The following MON1A variants were observed in gnomAD, a reference collection of about 807,000 sequenced individuals.
MON1A encodes the protein vacuolar fusion protein MON1 homolog A.
MON1A carries 29 observed loss-of-function variants against 44.6 expected under a neutral mutation model. That is an observed-to-expected ratio of 0.65 (90% CI 0.48 to 0.89). MON1A has a LOEUF of 0.89. Among genes scored for constraint, MON1A ranks in the 40% least tolerant of loss-of-function variants. MON1A has a pLI of 0.00. For synonymous variants in MON1A, 275 were observed against 316.4 expected (o/e 0.87, Z 1.39); for missense variants, 615 against 759.6 (o/e 0.81, Z 2.24).
At position 49,908,957 on chromosome 3, in the gene MON1A, T is replaced by A; in HGVS notation, c.*57A>T. 3 of 1,552,298 alleles carry A rather than the reference T, an allele frequency of 1.9e-6. No homozygotes were observed. Among genetic ancestry groups the A allele is most frequent in the Non-Finnish European group, 2.6e-6 (3 of 1,146,446 alleles). ...GAGAGGCCAGCCCCCATCTGGAGGC[T>A]CCTATGGCTTCCCACACCTAGTGTG... On this transcript the variant is annotated 3_prime_UTR_variant, in exon 6 of 6. Coordinates refer to ENST00000296473, the MANE Select transcript of MON1A (RefSeq NM_032355.4).
At position 49,910,814 on chromosome 3, in the gene MON1A, C is replaced by G; in HGVS notation, c.684G>C (p.Ser228=). The change falls in exon 4 of 6, where the codon TCG becomes TCC. Residue 228 remains serine, a synonymous_variant. Coordinates refer to ENST00000296473, the MANE Select transcript of MON1A (RefSeq NM_032355.4). This position sits in a 1 kb window ranked among gnomAD's most constrained non-coding sequence, Gnocchi z 8.0. ...GCAGCTCCTGCGCCAGCTCTTGTGC[C>G]GACTGCCGCGTACGAGCCACCGCCA... is the stretch of plus-strand genomic sequence containing the variant. ...VLVAVARTRQ[S]AQELAQELLY... 1.9e-6 allele frequency: 3 copies of G among 1,613,024 alleles called. No individual in the cohort carries two copies. The highest frequency in any genetic ancestry group is 1.3e-5 in the African/African-American group (1 of 75,022).
intron 1 of MON1A, among the ~76,000 whole-genome samples, chr3:49,918,350 CA>C (rs902779750): frequency 1.1e-4 from 16 of 149,072 alleles, no homozygotes; most frequent in Non-Finnish European, 4.5e-5. Context: ...AAAAAAAGAA[CA>C]AAAAAAAAGA....
chr3:49,909,550 C>G lies in MON1A; in HGVS notation c.1380-150G>C. The G allele has an allele frequency of 1.0e-6, 1 of 1,004,426 alleles. No homozygotes were observed. Among genetic ancestry groups the G allele is most frequent in the Non-Finnish European group, 1.4e-6 (1 of 695,938 alleles). 62.2% of individuals were successfully genotyped at this position (1,004,426 alleles called of 1,614,324 possible). On this transcript the variant is annotated intron_variant, in intron 4 of 5. Coordinates refer to ENST00000296473, the MANE Select transcript of MON1A (RefSeq NM_032355.4). The surrounding 1 kb of genome is among the most constrained non-coding windows in gnomAD (Gnocchi z 4.0). ...CTTAGGACAGGGCATTGTCTCCCCA[C>G]CATAGCAGGCACCCCAGGACAGGGC...
Position 49,911,401 on chromosome 3 carries a change from A to T in MON1A, c.613+125T>A. On this transcript the variant is annotated intron_variant, in intron 3 of 5. Coordinates refer to ENST00000296473, the MANE Select transcript of MON1A (RefSeq NM_032355.4). The surrounding 1 kb of genome is among the most constrained non-coding windows in gnomAD (Gnocchi z 5.7). ...CAGGTGAGGACCTTGAAGCTCAGAG[A>T]GGTAGAGGGACTTACCCTCAGTCAC... The T allele has an allele frequency of 1.5e-6, 2 of 1,362,052 alleles. No individual in the cohort carries two copies. Among genetic ancestry groups the T allele is most frequent in the Non-Finnish European group, 9.9e-7 (1 of 1,010,484 alleles). 84.4% of individuals were successfully genotyped at this position (1,362,052 alleles called of 1,614,324 possible).
At chr3:49,919,772 C>T (rs958024261) in intron 1 of MON1A, among the ~76,000 whole-genome samples, 2 of 152,122 alleles carry the variant, frequency 1.3e-5, no homozygotes, top group Admixed American at 6.6e-5. Flanking sequence ...CATGAGCCAC[C>T]GCACCCAGCC....
intron 1 of MON1A, 181 bp downstream of exon 1, chr3:49,929,428 G>T: frequency 4.1e-6 from 3 of 732,520 alleles, no homozygotes; most frequent in South Asian, 3.3e-5. Flanking sequence ...TCCAGATCTC[G>T]CCTTTTGTAT....
intron 1 of MON1A, among the ~76,000 whole-genome samples, chr3:49,926,552 G>C (rs2083053044): frequency 6.6e-6 from 1 of 152,034 alleles, no homozygotes; most frequent in Non-Finnish European, 1.5e-5. Context: ...GGCCTCTCAG[G>C]CTCAAATGAT....
intron 1 of MON1A, among the ~76,000 whole-genome samples, chr3:49,923,066 C>A (rs573343710): frequency 1.3e-5 from 2 of 151,724 alleles, no homozygotes; most frequent in South Asian, 4.2e-4. Flanking sequence ...GTCAGCCGGG[C>A]ACGGTTTCTC....
intron 1 of MON1A, among the ~76,000 whole-genome samples, chr3:49,928,562 A>G (rs953608825): frequency 2.0e-5 from 3 of 152,020 alleles, no homozygotes; most frequent in Admixed American, 2.0e-4. Flanking sequence ...TCTCTCACTC[A>G]GGCAGCCTTG....
chr3:49,924,983 C>T (rs184295078), intron 1 of MON1A, among the ~76,000 whole-genome samples: 2 of 152,320 alleles, frequency 1.3e-5, no homozygotes, highest in Non-Finnish European at 2.9e-5. Context: ...AGCTAAGCCA[C>T]TCCCAAATTC....
rs2083076526 is a variant in MON1A at position 49,929,488 on chromosome 3, TC to T, written c.-14+120del. 4 of 1,161,552 alleles carry T rather than the reference TC, an allele frequency of 3.4e-6. No individual in the cohort carries two copies. The East Asian group carries it at 1.0e-4, about 30-fold the overall frequency. The allele number at this position is 1,161,552 out of a possible 1,614,324, so 72.0% of individuals were successfully genotyped here. The stretch of plus-strand genomic sequence containing the variant: ...GAGGGACCGCAGGGAGACACAGTCT[TC>T]CCATTGCAAACGATAGCGTTGATGG... On this transcript the variant is annotated intron_variant, in intron 1 of 5. Coordinates refer to ENST00000296473, the MANE Select transcript of MON1A (RefSeq NM_032355.4).
chr3:49,912,401 A>T (rs7634084), intron 2 of MON1A: 82,804 of 182,076 alleles, frequency 0.45, 19,739 homozygotes, highest in African/African-American at 0.5. Flanking sequence ...CCTCCCCAAG[A>T]GGCCGGCTAA....
chr3:49,924,740 C>T (rs1223994572), intron 1 of MON1A: 1 of 160,862 alleles, frequency 6.2e-6, no homozygotes, highest in Non-Finnish European at 1.4e-5. Context: ...GACATTGTGG[C>T]TTCTGCCTTG....
At chr3:49,917,262 G>A (rs2082953219) in intron 1 of MON1A, among the ~76,000 whole-genome samples, 1 of 152,116 alleles carries the variant, frequency 6.6e-6, no homozygotes, top group East Asian at 1.9e-4. Flanking sequence ...ACCCGGCCTG[G>A]AATGCCCTAC....
chr3:49,918,658 C>T (rs1356978605), intron 1 of MON1A, among the ~76,000 whole-genome samples: 2 of 151,940 alleles, frequency 1.3e-5, no homozygotes, highest in Non-Finnish European at 2.9e-5. Flanking sequence ...ATGATCCACC[C>T]GCCTCAGTCC....
At position 49,909,213 on chromosome 3, in the gene MON1A, G is replaced by A. The variant is rs771045069; in HGVS notation, c.1527+40C>T. On this transcript the variant is annotated intron_variant, in intron 5 of 5. Coordinates refer to ENST00000296473, the MANE Select transcript of MON1A (RefSeq NM_032355.4). The surrounding 1 kb of genome is among the most constrained non-coding windows in gnomAD (Gnocchi z 4.0). ...AGAGGCCCCTCATGGCCCATACCTA[G>A]GACCTCCATAAAGCCCAGCCCATCC... 21 of 1,613,332 alleles carry A rather than the reference G, an allele frequency of 1.3e-5. No homozygotes were observed. The African/African-American group carries it at 2.3e-4, about 17-fold the overall frequency.
chr3:49,913,652 C>T (rs972482660), intron 1 of MON1A, among the ~76,000 whole-genome samples: 1 of 147,462 alleles, frequency 6.8e-6, no homozygotes, highest in African/African-American at 2.5e-5. Flanking sequence ...AGTGTATTTC[C>T]TTCTAGTATT....
chr3:49,921,810 C>G (rs1451200107), intron 1 of MON1A, among the ~76,000 whole-genome samples: 1 of 151,746 alleles, frequency 6.6e-6, no homozygotes, highest in East Asian at 2.0e-4. Flanking sequence ...CAGGCACTTA[C>G]CACTTCTCCC....
rs564075346 is a variant in MON1A, at chr3:49,910,983, G to A, written c.614-99C>T. The A allele has an allele frequency of 1.7e-4, 199 of 1,181,862 alleles. No individual in the cohort carries two copies. In the African/African-American group the frequency reaches 2.3e-3, roughly 13 times the overall value. The allele number at this position is 1,181,862 out of a possible 1,614,324, so 73.2% of individuals were successfully genotyped here. ...TCTTCGCTTTCCCCATCCTTTCCTC[G>A]CTCAGAGCTCTGCGCACAGTAGGGG... On this transcript the variant is annotated intron_variant, in intron 3 of 5. Coordinates refer to ENST00000296473, the MANE Select transcript of MON1A (RefSeq NM_032355.4). The surrounding 1 kb of genome is among the most constrained non-coding windows in gnomAD (Gnocchi z 8.0).
Sources: allele counts gnomAD v4.1 joint callset (sites outside exome capture counted in the v4.1 genomes callset), GRCh38; gene constraint gnomAD v4.1.1; non-coding constraint Gnocchi (gnomAD v3.1); transcripts MANE v1.5; gene names NCBI Gene and HGNC (gene_info 2026-07-23, HGNC 2026-07-21).